The following AMPH variants were observed in gnomAD, a reference collection of about 807,000 sequenced individuals.
AMPH encodes the protein amphiphysin, also known as amphiphysin (Stiff-Mann syndrome with breast cancer 128kD autoantigen).
In AMPH, 49 loss-of-function variants were observed where a neutral mutation model predicts 99.1. The ratio of observed to expected loss-of-function variants is 0.49; its 90% CI spans 0.39 to 0.63. The LOEUF (loss-of-function observed/expected upper bound fraction) is 0.63. Among genes scored for constraint, AMPH ranks in the 20% least tolerant of loss-of-function variants. The pLI is 0.00. For missense variants in AMPH, 759 were observed against 863.4 expected, an observed-to-expected ratio of 0.88 and a Z score of 1.52; for synonymous variants, 314 against 317.3, an observed-to-expected ratio of 0.99 and a Z score of 0.11.
At chr7:38,513,105 G>C (rs1388655522) in intron 2 of AMPH, among the ~76,000 whole-genome samples, 1 of 152,122 alleles carries the variant, frequency 6.6e-6, no homozygotes, top group African/African-American at 2.4e-5. Flanking sequence ...AATTTTATTG[G>C]CAATCATAGC....
intron 3 of AMPH, among the ~76,000 whole-genome samples, chr7:38,494,998 T>A (rs1788877247): frequency 6.6e-6 from 1 of 152,198 alleles, no homozygotes; most frequent in Non-Finnish European, 1.5e-5. Flanking sequence ...CAAAAGTGGT[T>A]AAGTGGCCTA....
chr7:38,521,032 G>A (rs1789937854), intron 2 of AMPH, among the ~76,000 whole-genome samples: 1 of 152,126 alleles, frequency 6.6e-6, no homozygotes, highest in Admixed American at 6.5e-5. Context: ...AAATCCTTAG[G>A]GATGGCCAAA....
chr7:38,485,248 A>G (rs902361659), intron 5 of AMPH, among the ~76,000 whole-genome samples: 1 of 152,002 alleles, frequency 6.6e-6, no homozygotes, highest in African/African-American at 2.4e-5. Context: ...ACTTTAGATT[A>G]TAGAACACAC....
chr7:38,409,804 C>A (rs967709491), intron 17 of AMPH, among the ~76,000 whole-genome samples: 31 of 152,094 alleles, frequency 2.0e-4, no homozygotes, highest in Non-Finnish European at 1.2e-4. Context: ...TACAGAGATC[C>A]CAAAGTTAAT....
chr7:38,389,313 A>T (rs1784426575), intron 20 of AMPH, among the ~76,000 whole-genome samples: 1 of 152,210 alleles, frequency 6.6e-6, no homozygotes, highest in Admixed American at 6.5e-5. Flanking sequence ...CTTTAAGTTG[A>T]GGTATAACTT....
chr7:38,425,509 G>A (rs1411097261), intron 15 of AMPH, among the ~76,000 whole-genome samples: 1 of 152,142 alleles, frequency 6.6e-6, no homozygotes, highest in Non-Finnish European at 1.5e-5. Flanking sequence ...AAAACAAAAA[G>A]TTGGCATGAA....
At chr7:38,425,750 A>G (rs1350924888) in intron 15 of AMPH, among the ~76,000 whole-genome samples, 1 of 152,230 alleles carries the variant, frequency 6.6e-6, no homozygotes, top group Non-Finnish European at 1.5e-5. Context: ...TAAGAAACCC[A>G]TGCACACATA....
intron 1 of AMPH, among the ~76,000 whole-genome samples, chr7:38,547,665 C>A (rs1337778614): frequency 6.6e-6 from 1 of 152,212 alleles, no homozygotes; most frequent in East Asian, 1.9e-4. Context: ...GTCCTAATGA[C>A]ATGTGCCCAA....
intron 2 of AMPH, among the ~76,000 whole-genome samples, chr7:38,523,083 G>A (rs1790032638): frequency 6.6e-6 from 1 of 150,546 alleles, no homozygotes; most frequent in African/African-American, 2.4e-5. Context: ...ACTCCAGCCT[G>A]GGCAACAAGA....
intron 5 of AMPH, among the ~76,000 whole-genome samples, chr7:38,487,255 C>T (rs1255344025): frequency 1.3e-5 from 2 of 152,054 alleles, no homozygotes. Flanking sequence ...TTTCATCATA[C>T]TACCTGACTT....
chr7:38,506,355 C>G (rs1432379987), intron 2 of AMPH, among the ~76,000 whole-genome samples: 1 of 152,092 alleles, frequency 6.6e-6, no homozygotes, highest in Non-Finnish European at 1.5e-5. Flanking sequence ...AGAAACATTT[C>G]AGAAAAATCA....
chr7:38,539,501 A>G (rs1248076816), intron 1 of AMPH, among the ~76,000 whole-genome samples: 1 of 152,194 alleles, frequency 6.6e-6, no homozygotes, highest in East Asian at 1.9e-4. Flanking sequence ...GATTCACCAG[A>G]AAGGACCCAT....
At chr7:38,387,317 G>C (rs1007517172) in intron 20 of AMPH, among the ~76,000 whole-genome samples, 1 of 152,174 alleles carries the variant, frequency 6.6e-6, no homozygotes, top group Non-Finnish European at 1.5e-5. Flanking sequence ...AGATGGCCCA[G>C]CTGTTGGAAT....
At chr7:38,571,630 A>T (rs532186035) in intron 1 of AMPH, among the ~76,000 whole-genome samples, 1 of 148,520 alleles carries the variant, frequency 6.7e-6, no homozygotes, top group Non-Finnish European at 1.5e-5. Flanking sequence ...ATATTTTTGT[A>T]CAGGTGTACA....
At chr7:38,428,962 G>A in intron 14 of AMPH, 2 of 1,251,432 alleles carry the variant, frequency 1.6e-6, no homozygotes, top group Non-Finnish European at 1.0e-6. Flanking sequence ...GTATTAAGAA[G>A]TTCTACCACT....
intron 17 of AMPH, among the ~76,000 whole-genome samples, chr7:38,407,021 C>CCTCTCT (rs71558121): frequency 0.024 from 88 of 3,686 alleles, 11 homozygotes; most frequent in East Asian, 0.05. Flanking sequence ...CTAATAGACT[C>CCTCTCT]CTCTCTCTCT....
In AMPH at chr7:38,434,656, G is replaced by A. The variant is rs191484031; in HGVS notation, c.1134+1616C>T. Among the ~76,000 whole-genome samples, 585 of 151,806 alleles carry A rather than the reference G, an allele frequency of 3.9e-3. 2 individuals carry two copies. The highest frequency in any genetic ancestry group is 0.014 in the Middle Eastern group (4 of 294). ...CGGGAGGCTGAGGCAGGAGAATGGC[G>A]TGAACCAGGGAGGTGAAGCTTGCAG... is the stretch of plus-strand genomic sequence containing the variant. On this transcript the variant is annotated intron_variant, in intron 12 of 20. Transcript: ENST00000356264.
intron 1 of AMPH, among the ~76,000 whole-genome samples, chr7:38,616,398 T>C (rs944386503): frequency 2.6e-5 from 4 of 152,226 alleles, no homozygotes; most frequent in African/African-American, 9.6e-5. Context: ...GACAGGACTA[T>C]AAATTTGATG....
In AMPH at chr7:38,383,826, G is replaced by A. The variant is rs1239301316; in HGVS notation, c.*992C>T. On this transcript the variant is annotated 3_prime_UTR_variant, in exon 21 of 21. Coordinates refer to ENST00000356264, the MANE Select transcript of AMPH (RefSeq NM_001635.4). ...TCTATTTTACTTTAGAACAATCTGT[G>A]AAGATGAGTTGCATAAATAGAAAGA... The A allele has an allele frequency of 6.6e-6, 1 of 152,646 alleles. No individual in the cohort carries two copies. 9.5% of individuals were successfully genotyped at this position (152,646 alleles called of 1,614,324 possible).
Sources: gnomAD v4.1 joint callset for allele counts (sites outside exome capture counted in the v4.1 genomes callset) on GRCh38, gnomAD v4.1.1 for gene constraint, MANE v1.5 for transcripts, NCBI Gene and HGNC (gene_info 2026-07-23, HGNC 2026-07-21) for gene names.